CHN2: variants seen among roughly 807,000 people sequenced by gnomAD.
CHN2 encodes chimerin 2, also known as beta-chimaerin.
A neutral mutation model predicts 56.3 loss-of-function variants in CHN2; 35 were observed. The observed-to-expected ratio is 0.62, with a 90% confidence interval of 0.47 to 0.82. The LOEUF is 0.82. CHN2 is among the 40% of genes least tolerant of loss of function. The probability of loss-of-function intolerance (pLI) is 0.00; values close to 1 mark genes in which losing one functional copy is unlikely to be tolerated. For missense variants in CHN2, 491 were observed against 580.5 expected (o/e 0.85, Z 1.58); for synonymous variants, 210 against 212.8 (o/e 0.99, Z 0.12).
intron 6 of CHN2, among the ~76,000 whole-genome samples, chr7:29,463,806 G>A (rs185935655): frequency 8.5e-5 from 13 of 152,270 alleles, no homozygotes; most frequent in African/African-American, 1.7e-4. Context: ...CTAGAGATGT[G>A]TCCAAGCTCT....
chr7:29,205,008 C>G (rs2128772600), intron 1 of CHN2, among the ~76,000 whole-genome samples: 1 of 152,288 alleles, frequency 6.6e-6, no homozygotes, highest in Non-Finnish European at 1.5e-5. Context: ...TTATTTGGTT[C>G]CGCATTCTAA....
intron 8 of CHN2, among the ~76,000 whole-genome samples, chr7:29,496,484 C>T (rs927104775): frequency 6.6e-6 from 1 of 151,372 alleles, no homozygotes; most frequent in African/African-American, 2.4e-5. Context: ...GCCTCACCAA[C>T]AGACCTTGGG....
intron 2 of CHN2, among the ~76,000 whole-genome samples, chr7:29,358,101 T>C (rs1798443501): frequency 6.6e-6 from 1 of 152,246 alleles, no homozygotes; most frequent in South Asian, 2.1e-4. Context: ...TTTAAAAATT[T>C]ATTATTTGCA....
rs556761981 is a variant in CHN2 at position 29,392,016 on chromosome 7, A to G, written c.145-1663A>G. On this transcript the variant is annotated intron_variant, in intron 3 of 12. Coordinates refer to ENST00000222792, the MANE Select transcript of CHN2 (RefSeq NM_004067.4). ...GGAAATAAGAAGATACAGGAAGGGA[A>G]TAGGGTTGAGAGCTACACCCAGATT... Among the ~76,000 whole-genome samples the G allele has an allele frequency of 4.2e-4, 64 of 152,306 alleles. 1 individual carries two copies. The highest frequency in any genetic ancestry group is 6.8e-3 in the Middle Eastern group (2 of 294).
intron 1 of CHN2, among the ~76,000 whole-genome samples, chr7:29,340,829 C>T (rs568086100): frequency 1.3e-5 from 2 of 152,282 alleles, no homozygotes; most frequent in Admixed American, 1.3e-4. Flanking sequence ...AAAGGGTGCG[C>T]TTGTTTCCTT....
At chr7:29,161,403 A>G (rs906482711) in intron 2 of CHN2, among the ~76,000 whole-genome samples, 5 of 152,176 alleles carry the variant, frequency 3.3e-5, no homozygotes, top group Admixed American at 2.0e-4. Context: ...TTTTCTTAGC[A>G]TGCAGCAACT....
chr7:29,172,731 T>C (rs1796763215), intron 2 of CHN2, among the ~76,000 whole-genome samples: 1 of 152,200 alleles, frequency 6.6e-6, no homozygotes, highest in Admixed American at 6.5e-5. Flanking sequence ...ATCATTAATG[T>C]TAATTGGGAA....
intron 6 of CHN2, among the ~76,000 whole-genome samples, chr7:29,456,957 C>G (rs74501930): frequency 0.059 from 8,932 of 152,016 alleles, 414 homozygotes; most frequent in East Asian, 0.26. Context: ...TCCTTCTCAA[C>G]TCATTCAGGC....
At chr7:29,509,601 T>C (rs1791038250) in intron 12 of CHN2, 195 bp downstream of exon 12, 3 of 449,586 alleles carry the variant, frequency 6.7e-6, no homozygotes, top group Non-Finnish European at 4.1e-6. Context: ...TCCCAGCACT[T>C]TGGGAGGCCG....
chr7:29,480,493 T>G, intron 7 of CHN2, 137 bp downstream of exon 7: 1 of 907,130 alleles, frequency 1.1e-6, no homozygotes, highest in Admixed American at 2.4e-5. Flanking sequence ...GCTATAAGCT[T>G]AACACCTGCG....
chr7:29,173,455 C>A (rs1796874499), intron 2 of CHN2, among the ~76,000 whole-genome samples: 1 of 152,008 alleles, frequency 6.6e-6, no homozygotes, highest in Admixed American at 6.6e-5. Flanking sequence ...AATGTCACCC[C>A]CATCCTAACA....
chr7:29,439,123 T>A (rs1214106410), intron 6 of CHN2, among the ~76,000 whole-genome samples: 1 of 152,230 alleles, frequency 6.6e-6, no homozygotes, highest in Non-Finnish European at 1.5e-5. Flanking sequence ...AGGTTTTGCC[T>A]GTATTGGTTT....
At chr7:29,481,893 T>A (rs1006979271) in intron 7 of CHN2, among the ~76,000 whole-genome samples, 26 of 152,286 alleles carry the variant, frequency 1.7e-4, no homozygotes, top group Non-Finnish European at 2.8e-4. Context: ...CTATAATATG[T>A]TTGCATGGAG....
chr7:29,202,427 G>A (rs747614811), intron 1 of CHN2, among the ~76,000 whole-genome samples: 3 of 152,210 alleles, frequency 2.0e-5, no homozygotes, highest in Non-Finnish European at 4.4e-5. Flanking sequence ...CTAAGAAAAG[G>A]AAACAGTTCT....
chr7:29,383,279 A>G (rs1434919166), intron 3 of CHN2, among the ~76,000 whole-genome samples: 1 of 152,034 alleles, frequency 6.6e-6, no homozygotes, highest in Admixed American at 6.6e-5. Flanking sequence ...TGTAGTTGGA[A>G]GGCCTGAGAG....
intron 6 of CHN2, among the ~76,000 whole-genome samples, chr7:29,421,625 T>G (rs984287678): frequency 6.6e-6 from 1 of 152,230 alleles, no homozygotes; most frequent in Non-Finnish European, 1.5e-5. Context: ...GGCAGGAACA[T>G]TCTAGCTCAG....
At chr7:29,490,036 C>T (rs1788478892) in intron 7 of CHN2, among the ~76,000 whole-genome samples, 2 of 151,976 alleles carry the variant, frequency 1.3e-5, no homozygotes, top group Admixed American at 1.3e-4. Context: ...CATTTTTACC[C>T]CAAGATATAG....
At chr7:29,221,659 T>C (rs1449229893) in intron 1 of CHN2, among the ~76,000 whole-genome samples, 1 of 152,178 alleles carries the variant, frequency 6.6e-6, no homozygotes, top group African/African-American at 2.4e-5. Flanking sequence ...TCCCCACATA[T>C]GGCAATGTGT....
intron 3 of CHN2, among the ~76,000 whole-genome samples, chr7:29,369,816 G>A (rs1799465870): frequency 6.6e-6 from 1 of 152,214 alleles, no homozygotes; most frequent in South Asian, 2.1e-4. Flanking sequence ...ACCATCTGCT[G>A]TGACTAAAGA....
Sources: allele counts gnomAD v4.1 joint callset (sites outside exome capture counted in the v4.1 genomes callset), GRCh38; gene constraint gnomAD v4.1.1; transcripts MANE v1.5; gene names NCBI Gene and HGNC (gene_info 2026-07-23, HGNC 2026-07-21).